PRMT8: variants seen among roughly 807,000 people sequenced by gnomAD.
PRMT8 encodes the protein protein arginine N-methyltransferase 8.
In PRMT8, 7 loss-of-function variants were observed where a neutral mutation model predicts 47.1. The observed-to-expected ratio is 0.15, with a 90% CI of 0.08 to 0.28. PRMT8 has a LOEUF of 0.28. Ranked by LOEUF, PRMT8 falls within the 10% of genes least tolerant of loss-of-function variation. The probability of loss-of-function intolerance (pLI) is 1.00; values close to 1 mark genes in which losing one functional copy is unlikely to be tolerated. For synonymous variants in PRMT8, 188 were observed against 186.5 expected (o/e 1.01, Z -0.07); for missense variants, 237 against 505.4 (o/e 0.47, Z 5.09).
chr12:3,403,542 AATAAG>A (rs1268876711), intron 1 of PRMT8, among the ~76,000 whole-genome samples: 1 of 152,122 alleles, frequency 6.6e-6, no homozygotes, highest in Non-Finnish European at 1.5e-5. Flanking sequence ...ACATAGAATA[AATAAG>A]ATAAGGATGT....
chr12:3,412,971 T>C (rs1295947881), intron 1 of PRMT8, among the ~76,000 whole-genome samples: 1 of 152,234 alleles, frequency 6.6e-6, no homozygotes, highest in Non-Finnish European at 1.5e-5. Context: ...ATAGCAATCC[T>C]GGTAGCAAAA....
At chr12:3,555,369 G>C (rs772836130) in intron 4 of PRMT8, among the ~76,000 whole-genome samples, 5 of 152,194 alleles carry the variant, frequency 3.3e-5, no homozygotes, top group Non-Finnish European at 5.9e-5. Flanking sequence ...GCTGACAAAG[G>C]TGAGGGGAAG....
Position 3,577,104 on chromosome 12 carries a change from G to A in PRMT8, c.828+118G>A, listed in dbSNP as rs570439353. On this transcript the variant is annotated intron_variant, in intron 7 of 9. Coordinates refer to ENST00000382622, the MANE Select transcript of PRMT8 (RefSeq NM_019854.5). ...CACCTGGTGAGGCAAGGCTGCCTTGGCCAGAGCCTGTGATGCTCCCTAAGC... is the reference window on the plus strand; with the variant it reads ...CACCTGGTGAGGCAAGGCTGCCTTGACCAGAGCCTGTGATGCTCCCTAAGC... The A allele has an allele frequency of 4.3e-4, 350 of 814,766 alleles. 1 individual carries two copies. Among genetic ancestry groups the A allele is most frequent in the Admixed American group, 5.0e-4 (23 of 45,596 alleles). 50.5% of individuals were successfully genotyped at this position (814,766 alleles called of 1,614,324 possible). A position where few individuals can be genotyped will look rare whatever the true frequency, so the allele number is the denominator to read the frequency against.
chr12:3,505,382 G>A (rs1184823731), intron 1 of PRMT8, among the ~76,000 whole-genome samples: 1 of 152,208 alleles, frequency 6.6e-6, no homozygotes, highest in Non-Finnish European at 1.5e-5. Context: ...CAGAATAGTT[G>A]CAAGTCCGAG....
rs2137164372 is a variant in PRMT8 at position 3,540,539 on chromosome 12, C to T, written c.76-67C>T. On this transcript the variant is annotated intron_variant, in intron 1 of 9. Transcript: ENST00000382622. Reference sequence around the variant, plus strand: ...CTCAGGGAGGGGGAAGGAAAGAGGACCGCAAGCCTCCGAGGGCGGGACCCC... The same window carrying T: ...CTCAGGGAGGGGGAAGGAAAGAGGATCGCAAGCCTCCGAGGGCGGGACCCC... The T allele has an allele frequency of 2.7e-6, 3 of 1,097,470 alleles. No homozygotes were observed. The South Asian group carries it at 4.2e-5, about 15-fold the overall frequency. 68.0% of individuals were successfully genotyped at this position (1,097,470 alleles called of 1,614,324 possible). A position where few individuals can be genotyped will look rare whatever the true frequency, so the allele number is the denominator to read the frequency against.
At chr12:3,479,976 G>A (rs1054388228) in intron 1 of PRMT8, among the ~76,000 whole-genome samples, 4 of 152,178 alleles carry the variant, frequency 2.6e-5, no homozygotes, top group African/African-American at 9.7e-5. Context: ...GAGAGGGACA[G>A]GCTGTTGTTC....
At chr12:3,571,147 C>G (rs892162564) in intron 6 of PRMT8, among the ~76,000 whole-genome samples, 4 of 152,198 alleles carry the variant, frequency 2.6e-5, no homozygotes, top group Non-Finnish European at 4.4e-5. Flanking sequence ...TAGTTTCTGA[C>G]TGTGTAGCTA....
At chr12:3,402,325 T>G (rs1037344472) in intron 1 of PRMT8, among the ~76,000 whole-genome samples, 1 of 152,124 alleles carries the variant, frequency 6.6e-6, no homozygotes, top group Admixed American at 6.5e-5. Flanking sequence ...AAAAATTAAC[T>G]CAAGATGGAT....
chr12:3,569,445 A>G lies in PRMT8; in HGVS notation c.625-32A>G. 1.3e-6 allele frequency: 2 copies of G among 1,567,348 alleles called. No homozygotes were observed. The highest frequency in any genetic ancestry group is 1.8e-6 in the Non-Finnish European group (2 of 1,137,364). Reference sequence around the variant, plus strand: ...GATGTCTTTGTCAGGTGAATAGATTACGAGACCCATTTCCCCACAATTCAT... The same window carrying G: ...GATGTCTTTGTCAGGTGAATAGATTGCGAGACCCATTTCCCCACAATTCAT... On this transcript the variant is annotated intron_variant, in intron 5 of 9. Coordinates refer to ENST00000382622, the MANE Select transcript of PRMT8 (RefSeq NM_019854.5). This position sits in a 1 kb window ranked among gnomAD's most constrained non-coding sequence, Gnocchi z 8.2.
intron 1 of PRMT8, chr12:3,381,546 T>C (rs1864091421): frequency 9.1e-7 from 1 of 1,096,000 alleles, no homozygotes; most frequent in African/African-American, 1.6e-5. Flanking sequence ...TTCCTCTTTG[T>C]CATCTGCAGA....
Position 3,538,507 on chromosome 12 carries a change from G to A in PRMT8, c.76-2099G>A. ...CACTCCCAGCCTCCGGGGAGTCTTAGCCTGTGGAGTCCCAGGAAGCACATG... is the reference window on the plus strand; with the variant it reads ...CACTCCCAGCCTCCGGGGAGTCTTAACCTGTGGAGTCCCAGGAAGCACATG... On this transcript the variant is annotated intron_variant, in intron 1 of 9. Transcript: ENST00000382622. The surrounding 1 kb of genome is among the most constrained non-coding windows in gnomAD (Gnocchi z 4.6). 1 of 430,242 alleles carries A rather than the reference G, an allele frequency of 2.3e-6. No homozygotes were observed. The allele number at this position is 430,242 out of a possible 1,614,324, so 26.7% of individuals were successfully genotyped here.
At chr12:3,507,781 TAG>T (rs1865653498) in intron 1 of PRMT8, among the ~76,000 whole-genome samples, 1 of 147,020 alleles carries the variant, frequency 6.8e-6, no homozygotes, top group Non-Finnish European at 1.5e-5. Flanking sequence ...TTTTTTGAGA[TAG>T]AGTCTTGCTC....
At chr12:3,545,475 T>C (rs1245875100) in intron 2 of PRMT8, among the ~76,000 whole-genome samples, 1 of 152,226 alleles carries the variant, frequency 6.6e-6, no homozygotes, top group Non-Finnish European at 1.5e-5. Context: ...CCCCACCTTA[T>C]TCAACTTCTA....
At chr12:3,495,709 T>G (rs1423162937) in intron 1 of PRMT8, among the ~76,000 whole-genome samples, 1 of 152,160 alleles carries the variant, frequency 6.6e-6, no homozygotes, top group African/African-American at 2.4e-5. Context: ...GTAATAAATG[T>G]TAATAAATGT....
chr12:3,518,732 A>G (rs984923320), intron 1 of PRMT8, among the ~76,000 whole-genome samples: 1 of 152,170 alleles, frequency 6.6e-6, no homozygotes, highest in African/African-American at 2.4e-5. Flanking sequence ...CACTCCTAAA[A>G]CACAGAATGT....
chr12:3,568,687 TG>T lies in PRMT8; in HGVS notation c.482-15del, dbSNP rs778832848. 4.5e-4 allele frequency: 726 copies of T among 1,614,044 alleles called. No homozygotes were observed. Among genetic ancestry groups the T allele is most frequent in the South Asian group, 2.3e-3 (212 of 91,062 alleles). ...GTGGGGTCCCTGCAAAGTATGGCCC[TG>T]GGGTTCTTATTTTCCAGTCATCACC... On this transcript the variant is annotated intron_variant, in intron 4 of 9. Transcript: ENST00000382622.
At chr12:3,481,838 A>T (rs1865276934) in intron 1 of PRMT8, among the ~76,000 whole-genome samples, 2 of 152,088 alleles carry the variant, frequency 1.3e-5, no homozygotes, top group African/African-American at 4.8e-5. Context: ...AGATCCTTAG[A>T]AGCTCTCCTG....
At chr12:3,558,961 C>CCTACCTATCTAT (rs372113503) in intron 4 of PRMT8, among the ~76,000 whole-genome samples, 5 of 149,990 alleles carry the variant, frequency 3.3e-5, no homozygotes, top group African/African-American at 7.4e-5. Flanking sequence ...TATCTATCTA[C>CCTACCTATCTAT]CTATCTATCT....
chr12:3,590,172 G>T (rs991032888), intron 8 of PRMT8, among the ~76,000 whole-genome samples: 2 of 152,222 alleles, frequency 1.3e-5, no homozygotes, highest in Non-Finnish European at 2.9e-5. Flanking sequence ...CTTTCCAAAT[G>T]TGCAGGCTGC....
Sources: gnomAD v4.1 joint callset for allele counts (sites outside exome capture counted in the v4.1 genomes callset) on GRCh38, gnomAD v4.1.1 for gene constraint, Gnocchi (gnomAD v3.1) non-coding constraint, MANE v1.5 for transcripts, NCBI Gene and HGNC (gene_info 2026-07-23, HGNC 2026-07-21) for gene names.